SPAG16: variants seen among roughly 807,000 people sequenced by gnomAD.
The protein encoded by SPAG16 is sperm associated antigen 16.
In SPAG16, 86 loss-of-function variants were observed where a neutral mutation model predicts 80.4. The ratio of observed to expected loss-of-function variants is 1.07; its 90% CI spans 0.90 to 1.28. The LOEUF (loss-of-function observed/expected upper bound fraction) is 1.28. Ranked by LOEUF, SPAG16 falls within the 50% of genes most tolerant of loss-of-function variation. The pLI, the probability that SPAG16 is intolerant of heterozygous loss-of-function variation, is 0.00. For synonymous variants in SPAG16, 294 were observed against 265.9 expected (o/e 1.11, Z -1.03); for missense variants, 870 against 765.3 (o/e 1.14, Z -1.61).
At chr2:213,987,532 A>G (rs1002560688) in intron 12 of SPAG16, among the ~76,000 whole-genome samples, 1 of 152,074 alleles carries the variant, frequency 6.6e-6, no homozygotes, top group East Asian at 1.9e-4. Flanking sequence ...CTAAATACTC[A>G]TTCATAAACT....
chr2:213,695,574 A>G (rs2065123594), intron 10 of SPAG16, among the ~76,000 whole-genome samples: 1 of 152,226 alleles, frequency 6.6e-6, no homozygotes, highest in Non-Finnish European at 1.5e-5. Flanking sequence ...AGTAATAAGA[A>G]CTGAAAAAAT....
At chr2:214,168,076 G>T (rs750194697) in intron 15 of SPAG16, among the ~76,000 whole-genome samples, 1 of 145,292 alleles carries the variant, frequency 6.9e-6, no homozygotes, top group Non-Finnish European at 1.5e-5. Flanking sequence ...CTGCAACTCC[G>T]TCTCCCGAGG....
At chr2:213,653,665 T>A (rs1054293774) in intron 10 of SPAG16, among the ~76,000 whole-genome samples, 1 of 152,178 alleles carries the variant, frequency 6.6e-6, no homozygotes. Context: ...AATATATCCA[T>A]CTCTCAAAAT....
chr2:214,135,577 T>A (rs76499926), intron 14 of SPAG16, among the ~76,000 whole-genome samples: 3,582 of 152,258 alleles, frequency 0.024, 94 homozygotes, highest in South Asian at 0.13. Context: ...AAGAGGTGTT[T>A]GGGTCATGGG....
At chr2:213,392,595 C>T (rs1396815345) in intron 9 of SPAG16, among the ~76,000 whole-genome samples, 1 of 151,854 alleles carries the variant, frequency 6.6e-6, no homozygotes, top group African/African-American at 2.4e-5. Flanking sequence ...ACCTGTAATC[C>T]CAGCACTTTG....
intron 10 of SPAG16, among the ~76,000 whole-genome samples, chr2:213,538,491 A>T (rs1382945898): frequency 1.3e-5 from 2 of 152,152 alleles, no homozygotes; most frequent in Admixed American, 1.3e-4. Context: ...TAAAGTGTTT[A>T]TTTCCTTTTC....
At chr2:214,172,992 T>C (rs1203613774) in intron 15 of SPAG16, among the ~76,000 whole-genome samples, 3 of 152,000 alleles carry the variant, frequency 2.0e-5, no homozygotes, top group Admixed American at 2.0e-4. Flanking sequence ...AGATTCTGGA[T>C]ATTAGCCCTT....
chr2:213,391,232 C>T (rs1471307623), intron 9 of SPAG16, among the ~76,000 whole-genome samples: 2 of 152,078 alleles, frequency 1.3e-5, no homozygotes, highest in African/African-American at 2.4e-5. Context: ...GGCGCCACTG[C>T]ACTCCAACCT....
At chr2:213,668,727 C>A (rs1018568092) in intron 10 of SPAG16, among the ~76,000 whole-genome samples, 2 of 152,116 alleles carry the variant, frequency 1.3e-5, no homozygotes, top group Non-Finnish European at 2.9e-5. Flanking sequence ...TGGCTCACTG[C>A]AACCTCCACC....
At chr2:214,240,700 G>A (rs1164594046) in intron 15 of SPAG16, 3 of 152,022 alleles carry the variant, frequency 2.0e-5, no homozygotes, top group Non-Finnish European at 4.4e-5. Flanking sequence ...GGCCCATTAT[G>A]CAAGATAAAA....
At chr2:213,338,658 T>C (rs1011642476) in intron 5 of SPAG16, among the ~76,000 whole-genome samples, 1 of 152,200 alleles carries the variant, frequency 6.6e-6, no homozygotes, top group Non-Finnish European at 1.5e-5. Flanking sequence ...GTGGCACATA[T>C]ACACCATGAA....
chr2:214,078,995 C>G (rs182743078), intron 13 of SPAG16, among the ~76,000 whole-genome samples: 1 of 152,054 alleles, frequency 6.6e-6, no homozygotes, highest in Non-Finnish European at 1.5e-5. Context: ...GCTGGGTTAG[C>G]GCTTGGTAAC....
In SPAG16 at chr2:213,418,062, G is replaced by A. The variant is rs550475264; in HGVS notation, c.942+42943G>A. Among the ~76,000 whole-genome samples the A allele has an allele frequency of 3.3e-5, 5 of 152,040 alleles. No individual in the cohort carries two copies. In the South Asian group the frequency reaches 8.3e-4, roughly 25 times the overall value. ...CTAATTTTGTATTTTTAGTAGACACGATGTTTCACCATATTGGTCAGGCTG... is the reference window on the plus strand; with the variant it reads ...CTAATTTTGTATTTTTAGTAGACACAATGTTTCACCATATTGGTCAGGCTG... On this transcript the variant is annotated intron_variant, in intron 9 of 15. Coordinates refer to ENST00000331683, the MANE Select transcript of SPAG16 (RefSeq NM_024532.5).
chr2:213,649,702 G>A (rs2062955103), intron 10 of SPAG16, among the ~76,000 whole-genome samples: 1 of 152,096 alleles, frequency 6.6e-6, no homozygotes. Context: ...AGCCTCCTGA[G>A]TAGCTGGGAC....
intron 14 of SPAG16, among the ~76,000 whole-genome samples, chr2:214,132,052 A>G (rs925456893): frequency 6.6e-6 from 1 of 152,214 alleles, no homozygotes; most frequent in Admixed American, 6.5e-5. Context: ...AGGACATATG[A>G]GAAATCTTCA....
chr2:214,365,158 AG>A (rs1319663234), intron 15 of SPAG16, among the ~76,000 whole-genome samples: 1 of 152,184 alleles, frequency 6.6e-6, no homozygotes, highest in Non-Finnish European at 1.5e-5. Context: ...GCTTTTAACA[AG>A]AGATAGGAAA....
intron 12 of SPAG16, among the ~76,000 whole-genome samples, chr2:213,982,763 A>G (rs2045823223): frequency 6.6e-6 from 1 of 151,912 alleles, no homozygotes; most frequent in South Asian, 2.1e-4. Flanking sequence ...ACATGAGATG[A>G]CAATTGGAAA....
At chr2:214,394,655 C>A (rs1486895125) in intron 15 of SPAG16, among the ~76,000 whole-genome samples, 1 of 152,176 alleles carries the variant, frequency 6.6e-6, no homozygotes, top group Non-Finnish European at 1.5e-5. Flanking sequence ...CCTATCCCCA[C>A]ACATGCACAG....
At position 213,938,353 on chromosome 2, in the gene SPAG16, C is replaced by T. The variant is rs1347872244; in HGVS notation, c.1400+8208C>T. 4.0e-5 allele frequency among the ~76,000 whole-genome samples: 6 copies of T among 151,642 alleles called. No individual in the cohort carries two copies. In the South Asian group the frequency reaches 6.2e-4, roughly 16 times the overall value. The stretch of plus-strand genomic sequence containing the variant: ...CATCTGAGGTAAAAAATGAAAATCA[C>T]GTTTGTTTTATATTTAAGATTTACT... On this transcript the variant is annotated intron_variant, in intron 12 of 15. Coordinates refer to ENST00000331683, the MANE Select transcript of SPAG16 (RefSeq NM_024532.5).
Sources: allele counts gnomAD v4.1 joint callset (sites outside exome capture counted in the v4.1 genomes callset), GRCh38; gene constraint gnomAD v4.1.1; transcripts MANE v1.5; gene names NCBI Gene and HGNC (gene_info 2026-07-23, HGNC 2026-07-21).